The following PRKAR1B variants were observed in gnomAD, a reference collection of about 807,000 sequenced individuals.
PRKAR1B encodes the protein cAMP-dependent protein kinase type I-beta regulatory subunit.
PRKAR1B carries 22 observed loss-of-function variants against 46.5 expected under a neutral mutation model. The ratio of observed to expected loss-of-function variants is 0.47; its 90% confidence interval spans 0.34 to 0.68. The LOEUF (loss-of-function observed/expected upper bound fraction) is 0.68. PRKAR1B is among the 30% of genes least tolerant of loss of function. The pLI is 0.01. For synonymous variants in PRKAR1B, 259 were observed against 217.7 expected, an observed-to-expected ratio of 1.19 and a Z score of -1.67; for missense variants, 445 against 535.6, an observed-to-expected ratio of 0.83 and a Z score of 1.67.
rs1297324938 is a variant in PRKAR1B at position 645,051 on chromosome 7, C to G, written c.440+32178G>C. 5.3e-5 allele frequency among the ~76,000 whole-genome samples: 8 copies of G among 152,190 alleles called. No individual in the cohort carries two copies. The South Asian group carries it at 1.7e-3, about 32-fold the overall frequency. On this transcript the variant is annotated intron_variant, in intron 4 of 10. Transcript: ENST00000537384. ...GGGCCCCGTGATTCACTGCAGATCCCTGATTTAGAAATCCGGAAGAGAAAT... is the reference window on the plus strand; with the variant it reads ...GGGCCCCGTGATTCACTGCAGATCCGTGATTTAGAAATCCGGAAGAGAAAT...
intron 1 of PRKAR1B, among the ~76,000 whole-genome samples, chr7:724,078 C>T (rs1185938068): frequency 6.6e-6 from 1 of 152,200 alleles, no homozygotes; most frequent in Non-Finnish European, 1.5e-5. Flanking sequence ...TGTCTCCAAA[C>T]AGGATCACTT....
chr7:684,263 C>T (rs113042588), intron 2 of PRKAR1B, among the ~76,000 whole-genome samples: 268 of 152,336 alleles, frequency 1.8e-3, no homozygotes, highest in Admixed American at 3.9e-3. Context: ...TGCTAATTGC[C>T]CAGCCGGGAA....
At chr7:720,477 T>C (rs887854767) in intron 1 of PRKAR1B, among the ~76,000 whole-genome samples, 1 of 152,264 alleles carries the variant, frequency 6.6e-6, no homozygotes, top group Admixed American at 6.5e-5. Flanking sequence ...TTGAGTGGTG[T>C]GTTCTGCAAA....
Position 583,302 on chromosome 7 carries a change from C to T in PRKAR1B, c.769+1206G>A, listed in dbSNP as rs569859865. Among the ~76,000 whole-genome samples, 100 of 152,246 alleles carry T rather than the reference C, an allele frequency of 6.6e-4. 2 individuals are homozygous for T. The South Asian group carries it at 0.02, about 31-fold the overall frequency. On this transcript the variant is annotated intron_variant, in intron 8 of 10. Coordinates refer to ENST00000537384, the MANE Select transcript of PRKAR1B (RefSeq NM_001164760.2). ...CAGAGAGAACAGGGGTCAAAGTCCT[C>T]CCCAAGAAGGAACACAGGCACAGCC...
chr7:571,031 G>A (rs558856276), intron 9 of PRKAR1B, among the ~76,000 whole-genome samples: 42 of 152,206 alleles, frequency 2.8e-4, no homozygotes, highest in African/African-American at 7.2e-4. Flanking sequence ...CCCCGGGACC[G>A]GAGCTGATGC....
intron 1 of PRKAR1B, 123 bp downstream of exon 1, chr7:727,087 G>A: frequency 2.9e-6 from 3 of 1,048,908 alleles, no homozygotes; most frequent in Non-Finnish European, 3.4e-6. Flanking sequence ...CGCGCTCGCC[G>A]CGCGCTTGGC....
intron 4 of PRKAR1B, among the ~76,000 whole-genome samples, chr7:617,215 G>A (rs574377499): frequency 6.1e-4 from 92 of 151,486 alleles, no homozygotes; most frequent in African/African-American, 1.9e-3. Flanking sequence ...GGCTGGTCTC[G>A]AACTCCTGAC....
chr7:556,993 C>T (rs565353067), intron 9 of PRKAR1B, among the ~76,000 whole-genome samples: 1 of 152,324 alleles, frequency 6.6e-6, no homozygotes, highest in African/African-American at 2.4e-5. Flanking sequence ...CCTCCCACAG[C>T]CGACCCCCAC....
At position 631,956 on chromosome 7, in the gene PRKAR1B, CA is replaced by C. The variant is rs35750745; in HGVS notation, c.441-24505del. ...TGAGCGACACAGCAAGACCCTGTCTCAAAAAAAAAAGCAGCGGGAGGAGAGC... is the reference window on the plus strand; with the variant it reads ...TGAGCGACACAGCAAGACCCTGTCTCAAAAAAAAAGCAGCGGGAGGAGAGC... On this transcript the variant is annotated intron_variant, in intron 4 of 10. Coordinates refer to ENST00000537384, the MANE Select transcript of PRKAR1B (RefSeq NM_001164760.2). Among the ~76,000 whole-genome samples, 141 of 147,922 alleles carry C rather than the reference CA, an allele frequency of 9.5e-4. No homozygotes were observed. In the East Asian group the frequency reaches 0.024, roughly 25 times the overall value.
upstream of PRKAR1B, chr7:727,471 C>T (rs1583468935): frequency 3.0e-6 from 1 of 329,102 alleles, no homozygotes; most frequent in Non-Finnish European, 5.2e-6. Flanking sequence ...GCTTCCCCCA[C>T]CCGCCTGCCC....
Position 714,444 on chromosome 7 carries a change from G to T in PRKAR1B, c.-22-2917C>A, listed in dbSNP as rs1029904869. Reference sequence around the variant, plus strand: ...TCCCAGGTTTGGGGGCTGGCAGCATGCACGTGGCCAGCCAGACATGCGGCC... The same window carrying T: ...TCCCAGGTTTGGGGGCTGGCAGCATTCACGTGGCCAGCCAGACATGCGGCC... On this transcript the variant is annotated intron_variant, in intron 1 of 10. Coordinates refer to ENST00000537384, the MANE Select transcript of PRKAR1B (RefSeq NM_001164760.2). The surrounding 1 kb of genome is among the most constrained non-coding windows in gnomAD (Gnocchi z 4.3). Among the ~76,000 whole-genome samples the T allele has an allele frequency of 6.6e-6, 1 of 152,218 alleles. No individual in the cohort carries two copies. Among genetic ancestry groups the T allele is most frequent in the Non-Finnish European group, 1.5e-5 (1 of 68,044 alleles).
intron 1 of PRKAR1B, 51 bp downstream of exon 1, chr7:727,159 C>T (rs1219187843): frequency 1.6e-6 from 2 of 1,288,192 alleles, no homozygotes; most frequent in Non-Finnish European, 2.0e-6. Context: ...GGCGCTTGTG[C>T]AGCTGCTGGG....
At chr7:584,090 G>A (rs112377377) in intron 8 of PRKAR1B, among the ~76,000 whole-genome samples, 18 of 152,298 alleles carry the variant, frequency 1.2e-4, no homozygotes, top group African/African-American at 2.9e-4. Flanking sequence ...GAGAAACTGC[G>A]CTTAGAAGGG....
chr7:696,037 T>G (rs976824605), intron 2 of PRKAR1B, among the ~76,000 whole-genome samples: 2 of 142,496 alleles, frequency 1.4e-5, no homozygotes, highest in Non-Finnish European at 3.0e-5. Flanking sequence ...GGCGTGACCA[T>G]AGCTCACTGC....
intron 4 of PRKAR1B, among the ~76,000 whole-genome samples, chr7:626,610 A>G (rs1361001170): frequency 6.6e-6 from 1 of 152,236 alleles, no homozygotes; most frequent in East Asian, 1.9e-4. Flanking sequence ...TTAGCTTCAG[A>G]AAATAGAAGC....
At chr7:577,827 A>G (rs534274472) in intron 9 of PRKAR1B, among the ~76,000 whole-genome samples, 1 of 152,318 alleles carries the variant, frequency 6.6e-6, no homozygotes, top group Middle Eastern at 3.4e-3. Context: ...AGGTGGAATG[A>G]ACAGCTTTAC....
At chr7:709,408 T>C (rs1054550790) in intron 2 of PRKAR1B, among the ~76,000 whole-genome samples, 1 of 147,704 alleles carries the variant, frequency 6.8e-6, no homozygotes, top group African/African-American at 2.5e-5. Flanking sequence ...AGTCTCGCTG[T>C]CGCCCAGGCT....
chr7:636,425 TCCTCCACCGGCCGC>T lies in PRKAR1B; in HGVS notation c.441-28987_441-28974del, dbSNP rs1487442349. On this transcript the variant is annotated intron_variant, in intron 4 of 10. Transcript: ENST00000537384. ...GTCCTCCACCGGCCGCGCCCACACGTCCTCCACCGGCCGCGCCCTCACGTCCTCCACCGGACTGT... is the reference window on the plus strand; with the variant it reads ...GTCCTCCACCGGCCGCGCCCACACGTGCCCTCACGTCCTCCACCGGACTGT... Among the ~76,000 whole-genome samples the T allele has an allele frequency of 4.4e-3, 367 of 84,082 alleles. 13 individuals carry two copies. Among genetic ancestry groups the T allele is most frequent in the Middle Eastern group, 0.018 (3 of 166 alleles). 55.2% of individuals were successfully genotyped at this position (84,082 alleles called of 152,430 possible).
chr7:678,001 T>A (rs1232212135), intron 3 of PRKAR1B, among the ~76,000 whole-genome samples: 2 of 152,024 alleles, frequency 1.3e-5, no homozygotes, highest in East Asian at 3.9e-4. Context: ...CCGGGCACGG[T>A]GGCTCACGCC....
Sources: allele counts gnomAD v4.1 joint callset (sites outside exome capture counted in the v4.1 genomes callset), GRCh38; gene constraint gnomAD v4.1.1; non-coding constraint Gnocchi (gnomAD v3.1); transcripts MANE v1.5; gene names NCBI Gene and HGNC (gene_info 2026-07-23, HGNC 2026-07-21).